Variants in PDE4B observed in about 807,000 individuals in gnomAD.
PDE4B encodes 3',5'-cyclic-AMP phosphodiesterase 4B.
PDE4B carries 20 observed loss-of-function variants against 82.2 expected under a neutral mutation model. The ratio of observed to expected loss-of-function variants is 0.24; its 90% CI spans 0.17 to 0.35. The LOEUF is 0.35. Among genes scored for constraint, PDE4B ranks in the 10% least tolerant of loss-of-function variants. The pLI is 1.00. For synonymous variants in PDE4B, 320 were observed against 318.9 expected (o/e 1.00, Z -0.04); for missense variants, 655 against 907.2 (o/e 0.72, Z 3.57).
intron 7 of PDE4B, among the ~76,000 whole-genome samples, chr1:66,276,747 A>C (rs759747040): frequency 1.2e-4 from 18 of 152,232 alleles, no homozygotes; most frequent in Non-Finnish European, 2.1e-4. Context: ...CCCTGATCTC[A>C]TAGATCTTAC....
chr1:66,342,387 G>A (rs1246581640), intron 8 of PDE4B, among the ~76,000 whole-genome samples: 1 of 151,862 alleles, frequency 6.6e-6, no homozygotes, highest in East Asian at 1.9e-4. Context: ...TTTGGTTATT[G>A]GAATAAGATA....
intron 1 of PDE4B, among the ~76,000 whole-genome samples, chr1:65,907,004 GA>G (rs1186463114): frequency 6.6e-6 from 1 of 152,090 alleles, no homozygotes; most frequent in Non-Finnish European, 1.5e-5. Flanking sequence ...TTACTTAATT[GA>G]AAAAACTGAT....
chr1:66,023,669 AT>A (rs1653271940), intron 3 of PDE4B, among the ~76,000 whole-genome samples: 1 of 152,124 alleles, frequency 6.6e-6, no homozygotes, highest in African/African-American at 2.4e-5. Flanking sequence ...CAAAATTTTT[AT>A]TTTTAATTAG....
chr1:65,926,760 C>G (rs993710211), intron 3 of PDE4B, among the ~76,000 whole-genome samples: 3 of 149,660 alleles, frequency 2.0e-5, no homozygotes, highest in African/African-American at 7.3e-5. Flanking sequence ...TGTTAATTAT[C>G]CACGGATGAG....
intron 1 of PDE4B, among the ~76,000 whole-genome samples, chr1:65,906,624 G>A (rs1647030815): frequency 6.6e-6 from 1 of 152,024 alleles, no homozygotes; most frequent in Admixed American, 6.6e-5. Flanking sequence ...ATTTACACAA[G>A]CAGAAACATG....
At chr1:66,304,052 C>G (rs72660610) in intron 7 of PDE4B, among the ~76,000 whole-genome samples, 3,930 of 152,196 alleles carry the variant, frequency 0.026, 68 homozygotes, top group Middle Eastern at 0.068. Context: ...ACTCACAATT[C>G]AGGAAGATAC....
chr1:66,084,305 T>C (rs949980997), intron 3 of PDE4B, among the ~76,000 whole-genome samples: 4 of 152,144 alleles, frequency 2.6e-5, no homozygotes, highest in African/African-American at 9.7e-5. Flanking sequence ...AAATGTATTG[T>C]TCAGAAGATA....
At chr1:66,293,818 G>A (rs1408729019) in intron 7 of PDE4B, among the ~76,000 whole-genome samples, 1 of 152,154 alleles carries the variant, frequency 6.6e-6, no homozygotes, top group Non-Finnish European at 1.5e-5. Context: ...TCTGCATAAA[G>A]GCTAGGTATG....
In PDE4B at chr1:65,878,667, T is replaced by A. The variant is rs940184341; in HGVS notation, c.-70-34578T>A. ...AACACTGCATGTTCTCACTCATGAG[T>A]GAGAGTTGAACAATGAGAACACATG... On this transcript the variant is annotated intron_variant, in intron 1 of 16. Coordinates refer to ENST00000341517, the MANE Select transcript of PDE4B (RefSeq NM_002600.4). Among the ~76,000 whole-genome samples the A allele has an allele frequency of 6.6e-5, 10 of 151,512 alleles. 1 individual carries two copies. The highest frequency in any genetic ancestry group is 1.3e-4 in the Non-Finnish European group (9 of 67,894).
chr1:66,008,392 A>G (rs1273860626), intron 3 of PDE4B, among the ~76,000 whole-genome samples: 4 of 152,034 alleles, frequency 2.6e-5, no homozygotes, highest in Admixed American at 6.6e-5. Context: ...TCCTGTTTCT[A>G]TAGATGAATT....
At chr1:66,357,599 GT>G (rs1662357473) in intron 9 of PDE4B, among the ~76,000 whole-genome samples, 1 of 151,908 alleles carries the variant, frequency 6.6e-6, no homozygotes, top group Non-Finnish European at 1.5e-5. Context: ...GTTGAGGAAG[GT>G]TATTAGAATC....
intron 3 of PDE4B, among the ~76,000 whole-genome samples, chr1:65,942,912 C>T (rs1377615445): frequency 6.6e-6 from 1 of 151,914 alleles, no homozygotes; most frequent in African/African-American, 2.4e-5. Context: ...GGCTATTAAT[C>T]CCTTATCAGC....
At chr1:66,101,689 T>G (rs1046461103) in intron 3 of PDE4B, among the ~76,000 whole-genome samples, 1 of 152,232 alleles carries the variant, frequency 6.6e-6, no homozygotes, top group Admixed American at 6.5e-5. Flanking sequence ...GTTTGTTTTT[T>G]TCTTGTTAAT....
At chr1:65,884,495 C>T (rs1368454960) in intron 1 of PDE4B, among the ~76,000 whole-genome samples, 3 of 152,118 alleles carry the variant, frequency 2.0e-5, no homozygotes, top group African/African-American at 7.2e-5. Context: ...CAGCATGGTA[C>T]TGGTACCAAA....
At chr1:66,029,348 C>T (rs186556851) in intron 3 of PDE4B, among the ~76,000 whole-genome samples, 116 of 152,196 alleles carry the variant, frequency 7.6e-4, no homozygotes, top group African/African-American at 2.5e-3. Context: ...CTAGGAGATA[C>T]AATTCAAGCT....
At chr1:66,178,516 T>A (rs1646983478) in intron 3 of PDE4B, among the ~76,000 whole-genome samples, 1 of 152,318 alleles carries the variant, frequency 6.6e-6, no homozygotes, top group South Asian at 2.1e-4. Flanking sequence ...TTTATAAAGT[T>A]TATAAATATT....
At chr1:66,359,711 G>A (rs973454797) in intron 9 of PDE4B, among the ~76,000 whole-genome samples, 4 of 152,196 alleles carry the variant, frequency 2.6e-5, no homozygotes, top group Admixed American at 2.0e-4. Flanking sequence ...AACCGGAGGT[G>A]AAGAATGGTG....
intron 2 of PDE4B, among the ~76,000 whole-genome samples, chr1:65,916,280 C>T (rs913197974): frequency 6.6e-6 from 1 of 152,044 alleles, no homozygotes; most frequent in African/African-American, 2.4e-5. Context: ...AAAATTTGAG[C>T]TTGTTTGCAA....
In PDE4B at chr1:66,230,627, G is replaced by A. The variant is rs150909223; in HGVS notation, c.282-16833G>A. ...ATTTAATTTGCGCATCACAAAGACC[G>A]TTAGCCTTTAAACAGACAAAACAGA... On this transcript the variant is annotated intron_variant, in intron 3 of 16. Coordinates refer to ENST00000341517, the MANE Select transcript of PDE4B (RefSeq NM_002600.4). 2.2e-3 allele frequency among the ~76,000 whole-genome samples: 342 copies of A among 152,310 alleles called. 1 individual carries two copies. Among genetic ancestry groups the A allele is most frequent in the African/African-American group, 7.8e-3 (325 of 41,564 alleles).
Sources: gnomAD v4.1 joint callset for allele counts (sites outside exome capture counted in the v4.1 genomes callset) on GRCh38, gnomAD v4.1.1 for gene constraint, MANE v1.5 for transcripts, NCBI Gene and HGNC (gene_info 2026-07-23, HGNC 2026-07-21) for gene names.